ZNF740: variants seen among roughly 807,000 people sequenced by gnomAD.
ZNF740 encodes oriLyt TD-element-binding protein 7.
A neutral mutation model predicts 24.8 loss-of-function variants in ZNF740; 14 were observed. The ratio of observed to expected loss-of-function variants is 0.56; its 90% CI spans 0.37 to 0.88. ZNF740 has a LOEUF of 0.88. Ranked by LOEUF, ZNF740 falls within the 40% of genes least tolerant of loss-of-function variation. The pLI is 0.00. For synonymous variants in ZNF740, 69 were observed against 84.0 expected (o/e 0.82, Z 0.98); for missense variants, 201 against 247.9 (o/e 0.81, Z 1.27).
intron 6 of ZNF740, 81 bp downstream of exon 6, chr12:53,186,590 CAA>C (rs1332218563): frequency 2.7e-6 from 3 of 1,123,306 alleles, no homozygotes; most frequent in African/African-American, 3.1e-5. Context: ...TCCTGCCTGA[CAA>C]AAGAGCCACC....
chr12:53,191,163 G>A lies in ZNF740; in HGVS notation c.*3573G>A, dbSNP rs1941928979. ...GGCCCTTTCCAGACCTGGCTTCCTG[G>A]GTCCCAGGGTGCACCCCGGGAGTTT... On this transcript the variant is annotated 3_prime_UTR_variant, in exon 7 of 7. Transcript: ENST00000416904. 1 of 245,078 alleles carries A rather than the reference G, an allele frequency of 4.1e-6. No homozygotes were observed. The highest frequency in any genetic ancestry group is 4.9e-5 in the Admixed American group (1 of 20,360). The allele number at this position is 245,078 out of a possible 1,614,324, so 15.2% of individuals were successfully genotyped here.
rs1941815164 is a variant in ZNF740, at chr12:53,186,078, G to T, written c.373+1G>T. ...AAGAGGCACATCCTTATTCACACTG[G>T]TAAGTCTCTTGTTTATATTCAAAAG... On this transcript the variant is annotated splice_donor_variant, in intron 5 of 6. Transcript: ENST00000416904. LOFTEE classifies it high-confidence loss of function. The T allele has an allele frequency of 6.2e-7, 1 of 1,610,670 alleles. No individual in the cohort carries two copies. Among genetic ancestry groups the T allele is most frequent in the Non-Finnish European group, 8.5e-7 (1 of 1,177,328 alleles).
Position 53,189,980 on chromosome 12 carries a change from G to A in ZNF740, c.*2390G>A, listed in dbSNP as rs1363833884. The A allele has an allele frequency of 7.2e-6, 1 of 138,434 alleles. No individual in the cohort carries two copies. The highest frequency in any genetic ancestry group is 1.5e-5 in the Non-Finnish European group (1 of 64,926). The allele number at this position is 138,434 out of a possible 1,614,324, so 8.6% of individuals were successfully genotyped here. A position where few individuals can be genotyped will look rare whatever the true frequency, so the allele number is the denominator to read the frequency against. ...CTATGTGTACTAATGTGTGTACTGG[G>A]TCAGAAGGTGCCCTGGGTTCCCACA... On this transcript the variant is annotated 3_prime_UTR_variant, in exon 7 of 7. Transcript: ENST00000416904.
At chr12:53,181,530 A>G (rs571455112) in intron 1 of ZNF740, 147 bp from the exon 2 acceptor site, 21 of 985,714 alleles carry the variant, frequency 2.1e-5, no homozygotes, top group South Asian at 4.6e-5. Context: ...AGTTCCTCCT[A>G]TTGACCTAGA....
chr12:53,189,308 C>T lies in ZNF740; in HGVS notation c.*1718C>T, dbSNP rs959132173. On this transcript the variant is annotated 3_prime_UTR_variant, in exon 7 of 7. Transcript: ENST00000416904. ...GACCTGTGGCGGGTACGGGAACTGT[C>T]TTAGTAATCATGGAGACTGGCTGAA... The T allele has an allele frequency of 2.6e-5, 4 of 151,966 alleles. No individual in the cohort carries two copies. The highest frequency in any genetic ancestry group is 4.4e-5 in the Non-Finnish European group (3 of 67,984). 9.4% of individuals were successfully genotyped at this position (151,966 alleles called of 1,614,324 possible).
intron 2 of ZNF740, among the ~76,000 whole-genome samples, chr12:53,183,023 C>T (rs558255965): frequency 4.3e-4 from 65 of 152,352 alleles, no homozygotes; most frequent in African/African-American, 1.4e-3. Context: ...CTACCAGTCT[C>T]ACCAGGATGG....
chr12:53,184,432 C>T (rs1184392632), intron 2 of ZNF740, among the ~76,000 whole-genome samples: 3 of 152,038 alleles, frequency 2.0e-5, no homozygotes, highest in Non-Finnish European at 4.4e-5. Flanking sequence ...GTGATCCGCC[C>T]GCCTCATTCT....
Position 53,193,787 on chromosome 12 carries a change from C to T in ZNF740, c.*6197C>T, listed in dbSNP as rs778650130. ...GGCTGGGTGTCACTGCAATTACAGTCACACAGCGTGTGCAACTCCACAATC... is the reference window on the plus strand; with the variant it reads ...GGCTGGGTGTCACTGCAATTACAGTTACACAGCGTGTGCAACTCCACAATC... On this transcript the variant is annotated 3_prime_UTR_variant, in exon 7 of 7. Coordinates refer to ENST00000416904, the MANE Select transcript of ZNF740 (RefSeq NM_001004304.4). 1 of 1,614,070 alleles carries T rather than the reference C, an allele frequency of 6.2e-7. No homozygotes were observed. The highest frequency in any genetic ancestry group is 8.5e-7 in the Non-Finnish European group (1 of 1,179,976).
chr12:53,195,032 A>C lies in ZNF740; in HGVS notation c.*7442A>C. ...GGGTTTCCTCATCTGTAAAATAGGG[A>C]TGGTAACAGTTATGAAGCAAGGCTT... On this transcript the variant is annotated 3_prime_UTR_variant, in exon 7 of 7. Coordinates refer to ENST00000416904, the MANE Select transcript of ZNF740 (RefSeq NM_001004304.4). 1 of 260,472 alleles carries C rather than the reference A, an allele frequency of 3.8e-6. No individual in the cohort carries two copies. The highest frequency in any genetic ancestry group is 7.5e-6 in the Non-Finnish European group (1 of 134,174). The allele number at this position is 260,472 out of a possible 1,614,324, so 16.1% of individuals were successfully genotyped here. A position where few individuals can be genotyped will look rare whatever the true frequency, so the allele number is the denominator to read the frequency against.
intron 4 of ZNF740, 81 bp downstream of exon 4, chr12:53,185,557 C>A: frequency 1.5e-6 from 2 of 1,311,458 alleles, no homozygotes; most frequent in East Asian, 2.4e-5. Context: ...ACCATGTAAC[C>A]TGGAGCTTTC....
chr12:53,191,501 C>A lies in ZNF740; in HGVS notation c.*3911C>A. 7.1e-7 allele frequency: 1 copy of A among 1,400,084 alleles called. No individual in the cohort carries two copies. The highest frequency in any genetic ancestry group is 1.0e-6 in the Non-Finnish European group (1 of 984,938). 86.7% of individuals were successfully genotyped at this position (1,400,084 alleles called of 1,614,324 possible). A position where few individuals can be genotyped will look rare whatever the true frequency, so the allele number is the denominator to read the frequency against. On this transcript the variant is annotated 3_prime_UTR_variant, in exon 7 of 7. Transcript: ENST00000416904. ...ACAGACCCACCCTTCCTCTCACCCT[C>A]CAGTTCCCACTGTCCTCCAAGGAGA...
At position 53,193,768 on chromosome 12, in the gene ZNF740, G is replaced by C; in HGVS notation, c.*6178G>C. ...ACTGCAGTGGGGAGCCTGGGGCTGG[G>C]TGTCACTGCAATTACAGTCACACAG... On this transcript the variant is annotated 3_prime_UTR_variant, in exon 7 of 7. Transcript: ENST00000416904. 1 of 1,614,072 alleles carries C rather than the reference G, an allele frequency of 6.2e-7. No individual in the cohort carries two copies. The highest frequency in any genetic ancestry group is 1.3e-5 in the African/African-American group (1 of 74,996).
Position 53,192,047 on chromosome 12 carries a change from T to G in ZNF740, c.*4457T>G. 6.2e-7 allele frequency: 1 copy of G among 1,605,870 alleles called. No homozygotes were observed. The highest frequency in any genetic ancestry group is 2.2e-5 in the East Asian group (1 of 44,698). On this transcript the variant is annotated 3_prime_UTR_variant, in exon 7 of 7. Transcript: ENST00000416904. ...GTGAACAAGAAACCAGACACACTTG[T>G]GGGAGCTGGAGCATAGGGACAGATC...
At position 53,184,133 on chromosome 12, in the gene ZNF740, G is replaced by GTGTGTGTGTGTGTGTGTGTGTGTGTGTA. The variant is rs1941766264; in HGVS notation, c.10-740_10-739insTGTGTGTGTATGTGTGTGTGTGTGTGTG. Among the ~76,000 whole-genome samples, 4 of 129,790 alleles carry GTGTGTGTGTGTGTGTGTGTGTGTGTGTA rather than the reference G, an allele frequency of 3.1e-5. No homozygotes were observed. In the South Asian group the frequency reaches 7.5e-4, roughly 24 times the overall value. 85.1% of individuals were successfully genotyped at this position (129,790 alleles called of 152,430 possible). A position where few individuals can be genotyped will look rare whatever the true frequency, so the allele number is the denominator to read the frequency against. ...CTAAGGGGTGTGTGTGTGTGTGTGT[G>GTGTGTGTGTGTGTGTGTGTGTGTGTGTA]TGTGTGTGTGTGTGTGTGCGCGCGC... On this transcript the variant is annotated intron_variant, in intron 2 of 6. Coordinates refer to ENST00000416904, the MANE Select transcript of ZNF740 (RefSeq NM_001004304.4).
chr12:53,181,887 C>T lies in ZNF740; in HGVS notation c.-97C>T. On this transcript the variant is annotated 5_prime_UTR_variant, in exon 2 of 7. Transcript: ENST00000416904. ...TGATGGGACACGAAGGAGTCGCTAC[C>T]GTGATTTGGTGACAGTTCTTCAAAA... is the stretch of plus-strand genomic sequence containing the variant. The T allele has an allele frequency of 1.3e-6, 2 of 1,498,918 alleles. No homozygotes were observed. The highest frequency in any genetic ancestry group is 1.8e-6 in the Non-Finnish European group (2 of 1,098,252). The allele number at this position is 1,498,918 out of a possible 1,614,324, so 92.9% of individuals were successfully genotyped here.
At position 53,191,793 on chromosome 12, in the gene ZNF740, G is replaced by A; in HGVS notation, c.*4203G>A. 1 of 1,599,748 alleles carries A rather than the reference G, an allele frequency of 6.3e-7. No individual in the cohort carries two copies. ...CAGGGGCTGGGGGAACCCAGTGGGA[G>A]GAATCAGGGCTGGTCTTGTGGTGGG... is the stretch of plus-strand genomic sequence containing the variant. On this transcript the variant is annotated 3_prime_UTR_variant, in exon 7 of 7. Transcript: ENST00000416904.
At position 53,192,661 on chromosome 12, in the gene ZNF740, G is replaced by C; in HGVS notation, c.*5071G>C. 2 of 1,605,870 alleles carry C rather than the reference G, an allele frequency of 1.2e-6. No homozygotes were observed. The highest frequency in any genetic ancestry group is 1.1e-5 in the South Asian group (1 of 90,918). On this transcript the variant is annotated 3_prime_UTR_variant, in exon 7 of 7. Coordinates refer to ENST00000416904, the MANE Select transcript of ZNF740 (RefSeq NM_001004304.4). The stretch of plus-strand genomic sequence containing the variant: ...GCTCAACAAGCCCCACTGTGCCCCT[G>C]CTCCCAAGATGCAAGACCTGAGGCC...
In ZNF740 at chr12:53,185,401, C is replaced by T. The variant is rs759532729; in HGVS notation, c.174C>T (p.Asp58=). The T allele has an allele frequency of 6.2e-6, 10 of 1,613,980 alleles. No individual in the cohort carries two copies. The South Asian group carries it at 1.1e-4, about 18-fold the overall frequency. Residue 58 remains aspartate, a synonymous_variant, in exon 4 of 7, where the codon GAC becomes GAT. Coordinates refer to ENST00000416904, the MANE Select transcript of ZNF740 (RefSeq NM_001004304.4). ...LRCSSQGHRK[D]SDKSRSRKDD... ...TGTCTTCAAAGGGTCACCGAAAAGA[C>T]AGTGATAAGTCCCGGAGCCGCAAAG...
Position 53,192,894 on chromosome 12 carries a change from T to C in ZNF740, c.*5304T>C, listed in dbSNP as rs1330748911. The C allele has an allele frequency of 4.3e-6, 7 of 1,613,920 alleles. No homozygotes were observed. In the South Asian group the frequency reaches 4.4e-5, roughly 10 times the overall value. On this transcript the variant is annotated 3_prime_UTR_variant, in exon 7 of 7. Transcript: ENST00000416904. ...TGGCATGACAGTGACATACTCCACA[T>C]TGGCAGCGACCAAAGCCTGGGGTAG...
Sources: gnomAD v4.1 joint callset for allele counts (sites outside exome capture counted in the v4.1 genomes callset) on GRCh38, gnomAD v4.1.1 for gene constraint, MANE v1.5 for transcripts, NCBI Gene and HGNC (gene_info 2026-07-23, HGNC 2026-07-21) for gene names.